Variants in GULP1 observed in about 807,000 individuals in gnomAD.
GULP1 encodes PTB domain-containing engulfment adapter protein 1.
A neutral mutation model predicts 40.9 loss-of-function variants in GULP1; 19 were observed. That is an observed-to-expected ratio of 0.46 (90% CI 0.32 to 0.68). The LOEUF (loss-of-function observed/expected upper bound fraction) is 0.68. GULP1 is among the 30% of genes least tolerant of loss of function. The probability of loss-of-function intolerance (pLI) is 0.03; values close to 1 mark genes in which losing one functional copy is unlikely to be tolerated. For missense variants in GULP1, 312 were observed against 362.2 expected, an observed-to-expected ratio of 0.86 and a Z score of 1.12; for synonymous variants, 119 against 117.6, an observed-to-expected ratio of 1.01 and a Z score of -0.08.
At chr2:188,518,698 C>T (rs543867708) in intron 4 of GULP1, among the ~76,000 whole-genome samples, 1 of 152,220 alleles carries the variant, frequency 6.6e-6, no homozygotes, top group African/African-American at 2.4e-5. Context: ...TGAGCAGGCA[C>T]CAGTTGTGTC....
At chr2:188,351,400 C>G (rs1158543883) in intron 1 of GULP1, among the ~76,000 whole-genome samples, 1 of 151,980 alleles carries the variant, frequency 6.6e-6, no homozygotes, top group African/African-American at 2.4e-5. Flanking sequence ...GACTTCAAAC[C>G]CTGTGTTTAT....
intron 4 of GULP1, among the ~76,000 whole-genome samples, chr2:188,514,003 G>T (rs2153215638): frequency 6.7e-6 from 1 of 149,290 alleles, no homozygotes; most frequent in African/African-American, 2.5e-5. Flanking sequence ...AAAATGCGCA[G>T]GTTTGGTAAC....
chr2:188,311,385 C>T (rs534302401), intron 1 of GULP1, among the ~76,000 whole-genome samples: 23 of 152,104 alleles, frequency 1.5e-4, no homozygotes, highest in South Asian at 6.2e-4. Context: ...TTAGTAGAGA[C>T]GGGGTTTCAC....
At chr2:188,589,565 T>C in intron 11 of GULP1, 1 of 391,682 alleles carries the variant, frequency 2.6e-6, no homozygotes, top group Non-Finnish European at 4.6e-6. Context: ...AATTATGGAG[T>C]TTTAAGGATA....
chr2:188,495,467 C>G (rs2062811199), intron 4 of GULP1, among the ~76,000 whole-genome samples: 1 of 152,028 alleles, frequency 6.6e-6, no homozygotes, highest in African/African-American at 2.4e-5. Context: ...GTCCCATGTT[C>G]TTCAAAATAT....
intron 2 of GULP1, among the ~76,000 whole-genome samples, chr2:188,473,130 T>C (rs2060725484): frequency 6.6e-6 from 1 of 151,810 alleles, no homozygotes; most frequent in Non-Finnish European, 1.5e-5. Context: ...CTTTTCTTTT[T>C]CTTTCAAACA....
intron 4 of GULP1, among the ~76,000 whole-genome samples, chr2:188,506,645 T>C (rs2153183314): frequency 6.6e-6 from 1 of 152,028 alleles, no homozygotes; most frequent in South Asian, 2.1e-4. Flanking sequence ...ACAAAACAAT[T>C]AGAAACAGCA....
chr2:188,315,008 G>A (rs1353971634), intron 1 of GULP1, among the ~76,000 whole-genome samples: 4 of 152,080 alleles, frequency 2.6e-5, no homozygotes, highest in East Asian at 1.9e-4. Flanking sequence ...AAAGCACAGA[G>A]TAGTGATGCT....
chr2:188,409,620 T>G (rs1345144230), intron 2 of GULP1, among the ~76,000 whole-genome samples: 1 of 152,094 alleles, frequency 6.6e-6, no homozygotes, highest in African/African-American at 2.4e-5. Context: ...AGGCCAGCAT[T>G]ACCTCAATAC....
At chr2:188,412,318 G>A (rs2054001327) in intron 2 of GULP1, among the ~76,000 whole-genome samples, 1 of 152,074 alleles carries the variant, frequency 6.6e-6, no homozygotes, top group Non-Finnish European at 1.5e-5. Context: ...CCTCCCACGG[G>A]TAATTTAATG....
chr2:188,351,560 T>C (rs2044449660), intron 1 of GULP1, among the ~76,000 whole-genome samples: 1 of 152,162 alleles, frequency 6.6e-6, no homozygotes, highest in African/African-American at 2.4e-5. Flanking sequence ...AGCACAGTAA[T>C]GTAAACTCTT....
At chr2:188,437,841 A>G (rs969161368) in intron 2 of GULP1, among the ~76,000 whole-genome samples, 3 of 152,170 alleles carry the variant, frequency 2.0e-5, no homozygotes, top group Non-Finnish European at 2.9e-5. Context: ...CAAATACCGC[A>G]TATTCTCACT....
chr2:188,370,827 C>T (rs1428553583), intron 1 of GULP1, among the ~76,000 whole-genome samples: 3 of 152,022 alleles, frequency 2.0e-5, no homozygotes, highest in Non-Finnish European at 2.9e-5. Flanking sequence ...AGAGAATATA[C>T]TTTCAAATGT....
chr2:188,450,660 G>C (rs1050660821), intron 2 of GULP1, among the ~76,000 whole-genome samples: 1 of 151,914 alleles, frequency 6.6e-6, no homozygotes, highest in African/African-American at 2.4e-5. Flanking sequence ...CTTTCATTTA[G>C]AATGTTTTAT....
chr2:188,460,327 G>A (rs77850760), intron 2 of GULP1, among the ~76,000 whole-genome samples: 6,915 of 151,548 alleles, frequency 0.046, 220 homozygotes, highest in Non-Finnish European at 0.066. Context: ...TTTCTCATTC[G>A]CATTTTATAG....
At chr2:188,591,771 C>A (rs1453858390) in intron 11 of GULP1, 4 of 151,428 alleles carry the variant, frequency 2.6e-5, no homozygotes, top group Non-Finnish European at 5.9e-5. Flanking sequence ...AAAAGACATA[C>A]CTCAAAATGT....
intron 2 of GULP1, among the ~76,000 whole-genome samples, chr2:188,416,465 A>G (rs1005573034): frequency 2.0e-5 from 3 of 152,172 alleles, no homozygotes; most frequent in Non-Finnish European, 4.4e-5. Flanking sequence ...GGTAAAATAC[A>G]GAACAGCCAG....
intron 11 of GULP1, chr2:188,589,438 A>C (rs972620895): frequency 2.3e-5 from 5 of 213,446 alleles, no homozygotes; most frequent in Admixed American, 5.8e-5. Flanking sequence ...ATCTGGTACT[A>C]ATGCTTTTGT....
At chr2:188,530,479 G>A (rs752231119) in intron 6 of GULP1, among the ~76,000 whole-genome samples, 55 of 152,198 alleles carry the variant, frequency 3.6e-4, no homozygotes, top group Non-Finnish European at 5.7e-4. Context: ...CCCCTAATAT[G>A]ACTATATTTG....
Sources: allele counts gnomAD v4.1 joint callset (sites outside exome capture counted in the v4.1 genomes callset), GRCh38; gene constraint gnomAD v4.1.1; transcripts MANE v1.5; gene names NCBI Gene and HGNC (gene_info 2026-07-23, HGNC 2026-07-21).